PTPRG: variants seen among roughly 807,000 people sequenced by gnomAD.
PTPRG encodes the protein receptor-type tyrosine-protein phosphatase gamma.
In PTPRG, 102 loss-of-function variants were observed where a neutral mutation model predicts 165.3. The ratio of observed to expected loss-of-function variants is 0.62; its 90% confidence interval spans 0.53 to 0.73. The LOEUF is 0.73. Ranked by LOEUF, PTPRG falls within the 30% of genes least tolerant of loss-of-function variation. The probability of loss-of-function intolerance (pLI) is 0.00; values close to 1 mark genes in which losing one functional copy is unlikely to be tolerated. For missense variants in PTPRG, 1,866 were observed against 1,861.4 expected (o/e 1.00, Z -0.05); for synonymous variants, 675 against 669.5 (o/e 1.01, Z -0.13).
chr3:62,055,907 C>T (rs1254212385), intron 4 of PTPRG, among the ~76,000 whole-genome samples: 1 of 152,116 alleles, frequency 6.6e-6, no homozygotes, highest in Non-Finnish European at 1.5e-5. Flanking sequence ...TATAAATTTT[C>T]CAAATAAGGT....
Position 62,222,633 on chromosome 3 carries a change from A to G in PTPRG, c.2288+3650A>G, listed in dbSNP as rs576714655. Among the ~76,000 whole-genome samples the G allele has an allele frequency of 3.9e-4, 59 of 152,324 alleles. 2 individuals carry two copies. In the South Asian group the frequency reaches 8.3e-3, roughly 21 times the overall value. On this transcript the variant is annotated intron_variant, in intron 13 of 29. Coordinates refer to ENST00000474889, the MANE Select transcript of PTPRG (RefSeq NM_002841.4). The surrounding 1 kb of genome is among the most constrained non-coding windows in gnomAD (Gnocchi z 4.5). ...CCATTGCCATCAAAACCTTGGACTG[A>G]AGCCGAACAAGGGATGGCTTTCCAA...
chr3:62,018,798 C>T (rs903040388), intron 4 of PTPRG, among the ~76,000 whole-genome samples: 2 of 152,134 alleles, frequency 1.3e-5, no homozygotes, highest in Non-Finnish European at 2.9e-5. Context: ...GGAGGACCCA[C>T]CCACAGTTAT....
rs528432929 is a variant in PTPRG at position 62,153,677 on chromosome 3, G to A, written c.683-3390G>A. Among the ~76,000 whole-genome samples, 7 of 152,292 alleles carry A rather than the reference G, an allele frequency of 4.6e-5. No individual in the cohort carries two copies. In the South Asian group the frequency reaches 1.0e-3, roughly 23 times the overall value. ...TGAGAGTAAGAATAATATCTATCACGTATGAGATGTTTACTGTGTTCCCAG... is the reference window on the plus strand; with the variant it reads ...TGAGAGTAAGAATAATATCTATCACATATGAGATGTTTACTGTGTTCCCAG... On this transcript the variant is annotated intron_variant, in intron 6 of 29. Transcript: ENST00000474889.
At chr3:61,831,746 T>C (rs1450062499) in intron 2 of PTPRG, among the ~76,000 whole-genome samples, 1 of 152,244 alleles carries the variant, frequency 6.6e-6, no homozygotes, top group African/African-American at 2.4e-5. Flanking sequence ...TTTTGAGTTT[T>C]CTGTCTTATG....
intron 1 of PTPRG, among the ~76,000 whole-genome samples, chr3:61,704,574 C>T (rs1401944321): frequency 1.3e-5 from 2 of 151,126 alleles, no homozygotes; most frequent in Admixed American, 1.3e-4. Context: ...GGCAAAATCA[C>T]CCCCCACCCA....
At chr3:61,824,844 T>G (rs1249001429) in intron 2 of PTPRG, among the ~76,000 whole-genome samples, 1 of 152,240 alleles carries the variant, frequency 6.6e-6, no homozygotes, top group African/African-American at 2.4e-5. Context: ...ACATAAACTC[T>G]AATCCTTCAA....
At chr3:62,231,712 C>T (rs1700905872) in intron 14 of PTPRG, among the ~76,000 whole-genome samples, 1 of 151,732 alleles carries the variant, frequency 6.6e-6, no homozygotes, top group South Asian at 2.1e-4. Flanking sequence ...TGAAAAATAC[C>T]TCTTAGAAAC....
intron 1 of PTPRG, among the ~76,000 whole-genome samples, chr3:61,661,789 A>G (rs1252879739): frequency 6.6e-6 from 1 of 152,024 alleles, no homozygotes; most frequent in Non-Finnish European, 1.5e-5. Flanking sequence ...ACCAGCACCT[A>G]CTAGCTGGTG....
chr3:61,975,599 G>A (rs1292940047), intron 2 of PTPRG, among the ~76,000 whole-genome samples: 1 of 152,064 alleles, frequency 6.6e-6, no homozygotes, highest in Admixed American at 6.6e-5. Flanking sequence ...ATCTCACCAT[G>A]GAAGTCCTAA....
chr3:61,753,473 C>T, intron 2 of PTPRG: 1 of 327,876 alleles, frequency 3.0e-6, no homozygotes, highest in South Asian at 2.4e-5. Context: ...TTGCCCAGAA[C>T]TTCTATAATT....
chr3:61,634,630 C>G (rs191496064), intron 1 of PTPRG, among the ~76,000 whole-genome samples: 1 of 151,878 alleles, frequency 6.6e-6, no homozygotes, highest in Admixed American at 6.6e-5. Flanking sequence ...GGCTACAGTT[C>G]TTTTTAAAGC....
At chr3:61,770,949 T>C (rs2034188664) in intron 2 of PTPRG, 1 of 152,196 alleles carries the variant, frequency 6.6e-6, no homozygotes, top group Non-Finnish European at 1.5e-5. Context: ...TTTTCTCCCT[T>C]CCTTCTTTAC....
intron 2 of PTPRG, among the ~76,000 whole-genome samples, chr3:61,752,203 G>T (rs908902345): frequency 3.9e-5 from 6 of 152,092 alleles, no homozygotes; most frequent in Non-Finnish European, 8.8e-5. Context: ...ATTCTCAAGG[G>T]GTGCTTAGTT....
chr3:61,709,940 A>G (rs115727851), intron 1 of PTPRG, among the ~76,000 whole-genome samples: 115 of 152,234 alleles, frequency 7.6e-4, no homozygotes, highest in Non-Finnish European at 1.5e-3. Flanking sequence ...GAGCCTGAGA[A>G]TTGGCGTTTC....
At chr3:61,713,654 A>T (rs1014886860) in intron 1 of PTPRG, among the ~76,000 whole-genome samples, 1 of 152,178 alleles carries the variant, frequency 6.6e-6, no homozygotes, top group African/African-American at 2.4e-5. Context: ...TTCTAAAGGT[A>T]ATGCTTGTTA....
intron 2 of PTPRG, among the ~76,000 whole-genome samples, chr3:61,903,791 A>C (rs1318808608): frequency 1.3e-5 from 2 of 152,258 alleles, no homozygotes; most frequent in South Asian, 4.1e-4. Flanking sequence ...TATAGTGTGT[A>C]TATTAAACAA....
chr3:62,267,459 G>T lies in PTPRG; in HGVS notation c.2706G>T (p.Lys902Asn), dbSNP rs757340112. 9.3e-6 allele frequency: 15 copies of T among 1,612,034 alleles called. No homozygotes were observed. The highest frequency in any genetic ancestry group is 1.2e-5 in the Non-Finnish European group (14 of 1,178,496). ...KLRPLPGKDS[K>N]HSDYINANYV... The stretch of plus-strand genomic sequence containing the variant: ...GACCTTTACCAGGAAAAGACTCTAA[G>T]CACAGCGACTACATTAATGCAAACT... Residue 902 changes from lysine to asparagine, a missense_variant, in exon 18 of 30, where the codon AAG becomes AAT. Coordinates refer to ENST00000474889, the MANE Select transcript of PTPRG (RefSeq NM_002841.4).
chr3:61,830,566 GTTTTTTTTTTTTTTTT>G (rs57644199), intron 2 of PTPRG, among the ~76,000 whole-genome samples: 2 of 86,500 alleles, frequency 2.3e-5, no homozygotes, highest in African/African-American at 8.3e-5. Context: ...TTTTGTTTTT[GTTTTTTTTTTTTTTTT>G]TTTTTTTTGG....
At chr3:62,089,488 A>G (rs1211572219) in intron 5 of PTPRG, among the ~76,000 whole-genome samples, 2 of 152,238 alleles carry the variant, frequency 1.3e-5, no homozygotes, top group African/African-American at 2.4e-5. Flanking sequence ...AAGAACGTCC[A>G]TGATAGAAAT....
Sources: allele counts gnomAD v4.1 joint callset (sites outside exome capture counted in the v4.1 genomes callset), GRCh38; gene constraint gnomAD v4.1.1; non-coding constraint Gnocchi (gnomAD v3.1); transcripts MANE v1.5; gene names NCBI Gene and HGNC (gene_info 2026-07-23, HGNC 2026-07-21).